PISD: variants seen among roughly 807,000 people sequenced by gnomAD.
The protein encoded by PISD is phosphatidylserine decarboxylase proenzyme, mitochondrial.
In PISD, 31 loss-of-function variants were observed where a neutral mutation model predicts 43.5. That is an observed-to-expected ratio of 0.71 (90% CI 0.54 to 0.96). The LOEUF is 0.96. Among genes scored for constraint, PISD ranks in the 40% least tolerant of loss-of-function variants. PISD has a pLI of 0.00. For synonymous variants in PISD, 259 were observed against 228.7 expected, an observed-to-expected ratio of 1.13 and a Z score of -1.20; for missense variants, 523 against 548.4, an observed-to-expected ratio of 0.95 and a Z score of 0.46.
At chr22:31,660,619 C>A (rs1471742189) in intron 1 of PISD, among the ~76,000 whole-genome samples, 1 of 152,222 alleles carries the variant, frequency 6.6e-6, no homozygotes, top group Non-Finnish European at 1.5e-5. Flanking sequence ...CATCACACCA[C>A]TGCACTCCCT....
At chr22:31,623,614 C>A in intron 3 of PISD, 4 of 1,440,552 alleles carry the variant, frequency 2.8e-6, no homozygotes, top group Non-Finnish European at 3.8e-6. Flanking sequence ...CCACCTCAGT[C>A]TCTCCTGCAC....
At chr22:31,644,870 A>C (rs919723781) in intron 3 of PISD, among the ~76,000 whole-genome samples, 2 of 152,140 alleles carry the variant, frequency 1.3e-5, no homozygotes, top group Non-Finnish European at 2.9e-5. Flanking sequence ...CACGCCTGTA[A>C]TCCTAGCACT....
At chr22:31,620,962 G>A (rs998518274) in intron 6 of PISD, 34 bp downstream of exon 6, 5 of 1,589,532 alleles carry the variant, frequency 3.1e-6, no homozygotes, top group Non-Finnish European at 4.3e-6. Context: ...GAAGCCCACA[G>A]AGGCAGCTCC....
In PISD at chr22:31,618,998, G is replaced by A. The variant is rs2273262; in HGVS notation, c.*614C>T. On this transcript the variant is annotated 3_prime_UTR_variant, in exon 8 of 8. Coordinates refer to ENST00000439502, the MANE Select transcript of PISD (RefSeq NM_001326411.2). ...CTGCAAAGGTCTGTATCATTAATCA[G>A]TGTCATCAGTGTCCTCAGAAGACAC... 7.8e-4 allele frequency: 137 copies of A among 176,660 alleles called. 4 individuals carry two copies. The East Asian group carries it at 0.02, about 26-fold the overall frequency. The allele number at this position is 176,660 out of a possible 1,614,324, so 10.9% of individuals were successfully genotyped here.
chr22:31,624,450 A>G (rs1483068349), intron 3 of PISD, among the ~76,000 whole-genome samples: 1 of 152,094 alleles, frequency 6.6e-6, no homozygotes, highest in Non-Finnish European at 1.5e-5. Context: ...CTCATCTGCT[A>G]AATTACGGGG....
chr22:31,647,960 A>G, intron 3 of PISD, 141 bp downstream of exon 3: 1 of 708,288 alleles, frequency 1.4e-6, no homozygotes, highest in Non-Finnish European at 2.3e-6. Flanking sequence ...TAACTCCTGT[A>G]TCTGGCCAAA....
chr22:31,644,500 A>C (rs2073828329), intron 3 of PISD, among the ~76,000 whole-genome samples: 1 of 152,042 alleles, frequency 6.6e-6, no homozygotes, highest in Non-Finnish European at 1.5e-5. Flanking sequence ...CGGCCTCCCA[A>C]AGTGCTGGGA....
intron 3 of PISD, among the ~76,000 whole-genome samples, chr22:31,646,918 G>A (rs777827632): frequency 3.9e-5 from 6 of 151,966 alleles, no homozygotes; most frequent in South Asian, 2.1e-4. Flanking sequence ...CAAGGCGTAC[G>A]AACAGGCCAA....
chr22:31,628,782 A>G, intron 3 of PISD: 2 of 976,350 alleles, frequency 2.0e-6, no homozygotes, highest in Non-Finnish European at 2.4e-6. Flanking sequence ...ATGGCCCAGA[A>G]CAACTGCTCA....
chr22:31,655,128 T>A, intron 1 of PISD, among the ~76,000 whole-genome samples: 1 of 147,710 alleles, frequency 6.8e-6, no homozygotes, highest in South Asian at 2.2e-4. Context: ...TCCCTGAACA[T>A]TGCTTGGAGA....
chr22:31,626,125 G>A, intron 3 of PISD: 1 of 1,058,748 alleles, frequency 9.4e-7, no homozygotes, highest in African/African-American at 1.6e-5. Context: ...CCCAGTCCTG[G>A]CCACCTGCTC....
chr22:31,644,242 CTTT>C (rs571185716), intron 3 of PISD, among the ~76,000 whole-genome samples: 3 of 139,152 alleles, frequency 2.2e-5, no homozygotes. Context: ...ATAATTTTTT[CTTT>C]TTTTTTTTTT....
chr22:31,622,513 G>A (rs114835722), intron 3 of PISD, among the ~76,000 whole-genome samples: 1,682 of 152,264 alleles, frequency 0.011, 30 homozygotes, highest in African/African-American at 0.038. Context: ...ACTCTTGAGG[G>A]CCTGGATGCA....
Position 31,631,048 on chromosome 22 carries a change from A to G in PISD, c.322-9163T>C, listed in dbSNP as rs529020908. Among the ~76,000 whole-genome samples, 243 of 152,374 alleles carry G rather than the reference A, an allele frequency of 1.6e-3. 2 individuals carry two copies. The highest frequency in any genetic ancestry group is 5.4e-4 in the Non-Finnish European group (37 of 68,034). On this transcript the variant is annotated intron_variant, in intron 3 of 7. Transcript: ENST00000439502. ...CAAGGCCAGGGAGAAGGGGAAGGGC[A>G]GCAGACACCAGCTCTGCTTGGTCAC...
rs56305493 is a variant in PISD at position 31,648,320 on chromosome 22, T to C, written c.146-44A>G. On this transcript the variant is annotated intron_variant, in intron 2 of 7. Coordinates refer to ENST00000439502, the MANE Select transcript of PISD (RefSeq NM_001326411.2). ...CAATTTCAAGCCTGAGAGACAGGAA[T>C]AGGGAAGAGTCATGCAAACACAGCA... The C allele has an allele frequency of 2.3e-3, 3,476 of 1,522,996 alleles. 3 individuals are homozygous for C. The highest frequency in any genetic ancestry group is 2.9e-3 in the Non-Finnish European group (3,209 of 1,121,080). The allele number at this position is 1,522,996 out of a possible 1,614,324, so 94.3% of individuals were successfully genotyped here. A position where few individuals can be genotyped will look rare whatever the true frequency, so the allele number is the denominator to read the frequency against.
intron 3 of PISD, chr22:31,626,007 A>G (rs1213546665): frequency 6.9e-7 from 1 of 1,445,020 alleles, no homozygotes; most frequent in Admixed American, 2.6e-5. Context: ...TGCAGAATAG[A>G]GGGTCAGGGC....
At chr22:31,649,288 A>ATT (rs1437911670) in intron 2 of PISD, among the ~76,000 whole-genome samples, 1 of 152,198 alleles carries the variant, frequency 6.6e-6, no homozygotes, top group Non-Finnish European at 1.5e-5. Context: ...TTGGCCAATA[A>ATT]GCACAAGAAA....
intron 3 of PISD, chr22:31,638,630 C>T (rs189723279): frequency 1.0e-6 from 1 of 985,112 alleles, no homozygotes; most frequent in African/African-American, 1.7e-5. Context: ...CCACAAAAAC[C>T]AGTTCTGTCT....
At chr22:31,633,108 G>A (rs539493490) in intron 3 of PISD, among the ~76,000 whole-genome samples, 1 of 152,190 alleles carries the variant, frequency 6.6e-6, no homozygotes, top group Admixed American at 6.5e-5. Context: ...AGATGTTGAC[G>A]CAGAATCCTG....
Sources: allele counts gnomAD v4.1 joint callset (sites outside exome capture counted in the v4.1 genomes callset), GRCh38; gene constraint gnomAD v4.1.1; transcripts MANE v1.5; gene names NCBI Gene and HGNC (gene_info 2026-07-23, HGNC 2026-07-21).